The following TPRG1 variants were observed in gnomAD, a reference collection of about 807,000 sequenced individuals.
The protein encoded by TPRG1 is tumor protein p63 regulated 1, also known as tumor protein p63-regulated gene 1 protein.
Under a neutral mutation model 29.3 loss-of-function variants are expected in TPRG1, and 29 were observed. The observed-to-expected ratio is 0.99, with a 90% confidence interval of 0.74 to 1.35. The LOEUF is 1.35. Ranked by LOEUF, TPRG1 falls within the 40% of genes most tolerant of loss-of-function variation. The pLI is 0.00. For missense variants in TPRG1, 327 were observed against 335.0 expected, an observed-to-expected ratio of 0.98 and a Z score of 0.19; for synonymous variants, 130 against 116.8, an observed-to-expected ratio of 1.11 and a Z score of -0.73.
rs192919627 is a variant in TPRG1 at position 189,042,456 on chromosome 3, A to G, written c.-463+18510A>G. 3.8e-4 allele frequency among the ~76,000 whole-genome samples: 58 copies of G among 152,276 alleles called. 1 individual carries two copies. Among genetic ancestry groups the G allele is most frequent in the Non-Finnish European group, 7.4e-5 (5 of 68,018 alleles). On this transcript the variant is annotated intron_variant, in intron 4 of 10. Coordinates refer to the TPRG1 transcript ENST00000433971. ...TTTATAGGTTACTTAGGTATCTGTT[A>G]TGTTTCAAAAATCTCATGCCAATCC... is the stretch of plus-strand genomic sequence containing the variant.
chr3:189,259,485 T>TA (rs1339067104), intron 4 of TPRG1, among the ~76,000 whole-genome samples: 10 of 124,254 alleles, frequency 8.0e-5, no homozygotes, highest in Admixed American at 3.3e-4. Flanking sequence ...TTTTTTTTTT[T>TA]ACGAAGTCTT....
intron 4 of TPRG1, among the ~76,000 whole-genome samples, chr3:189,149,762 C>T (rs1725695986): frequency 6.6e-6 from 1 of 152,164 alleles, no homozygotes; most frequent in Non-Finnish European, 1.5e-5. Context: ...CTGTTTCGAG[C>T]CTGTGTCCGG....
intron 4 of TPRG1, among the ~76,000 whole-genome samples, chr3:189,027,781 A>C (rs1007490347): frequency 1.3e-5 from 2 of 152,176 alleles, no homozygotes; most frequent in East Asian, 3.9e-4. Flanking sequence ...AGTTGTTCCA[A>C]ATTGGAAAAA....
At chr3:189,086,201 CA>C (rs1341695354) in intron 4 of TPRG1, among the ~76,000 whole-genome samples, 6 of 152,054 alleles carry the variant, frequency 3.9e-5, no homozygotes, top group African/African-American at 1.2e-4. Context: ...AAGAAGCATC[CA>C]GCACAGGAGA....
intron 4 of TPRG1, among the ~76,000 whole-genome samples, chr3:189,245,390 T>C (rs569124589): frequency 1.4e-4 from 22 of 152,300 alleles, no homozygotes; most frequent in African/African-American, 4.6e-4. Context: ...TTCCCAGAGA[T>C]TTTGATATGT....
rs1560467332 is a variant in TPRG1, at chr3:189,125,816, TGTGTGTGTGTG to T, written c.-743-1240_-743-1230del. Among the ~76,000 whole-genome samples, 31 of 16,360 alleles carry T rather than the reference TGTGTGTGTGTG, an allele frequency of 1.9e-3. No homozygotes were observed. The African/African-American group carries it at 0.023, about 12-fold the overall frequency. 10.7% of individuals were successfully genotyped at this position (16,360 alleles called of 152,430 possible). A position where few individuals can be genotyped will look rare whatever the true frequency, so the allele number is the denominator to read the frequency against. ...GAAGATGGAGCTGCAGGGTGTTTTG[TGTGTGTGTGTG>T]TGTGTGTGTGTGTGTGTGTGTGTGT... On this transcript the variant is annotated intron_variant, in intron 1 of 6. Transcript: ENST00000412373.
chr3:189,156,874 A>G (rs1055436147), intron 5 of TPRG1, among the ~76,000 whole-genome samples: 2 of 152,170 alleles, frequency 1.3e-5, no homozygotes, highest in African/African-American at 4.8e-5. Context: ...CATTATCTGG[A>G]GGCTTGTTAA....
chr3:189,324,896 T>C lies in TPRG1; in HGVS notation c.*4076T>C, dbSNP rs1366538503. ...AGGGCTTGTGCCCACATCCTGTAGC[T>C]GTGGTTTAGGGACGCTGCTCATGAG... On this transcript the variant is annotated 3_prime_UTR_variant, in exon 6 of 6. Transcript: ENST00000345063. 1 of 152,192 alleles carries C rather than the reference T, an allele frequency of 6.6e-6. No individual in the cohort carries two copies. Among genetic ancestry groups the C allele is most frequent in the African/African-American group, 2.4e-5 (1 of 41,452 alleles). 9.4% of individuals were successfully genotyped at this position (152,192 alleles called of 1,614,324 possible).
intron 5 of TPRG1, among the ~76,000 whole-genome samples, chr3:189,312,107 T>C (rs373090677): frequency 0.02 from 1,508 of 73,594 alleles, 135 homozygotes; most frequent in Middle Eastern, 0.03. Context: ...GTTTCTTTGT[T>C]TCTTTCTTTG....
intron 4 of TPRG1, among the ~76,000 whole-genome samples, chr3:189,074,499 C>T (rs1246005757): frequency 1.3e-5 from 2 of 151,966 alleles, no homozygotes; most frequent in East Asian, 1.9e-4. Context: ...CCACCGCGCC[C>T]GGCCCAGAAT....
intron 4 of TPRG1, among the ~76,000 whole-genome samples, chr3:189,282,334 G>A (rs1377483573): frequency 1.3e-5 from 2 of 151,808 alleles, no homozygotes; most frequent in East Asian, 1.9e-4. Context: ...TCTTGTAGGC[G>A]TTTGTTCTTT....
At chr3:189,288,078 AAG>A (rs143050547) in intron 4 of TPRG1, among the ~76,000 whole-genome samples, 3,551 of 152,012 alleles carry the variant, frequency 0.023, 151 homozygotes, top group African/African-American at 0.081. Context: ...ACAGAGGAAA[AAG>A]AGAGAGGAGA....
intron 1 of TPRG1, among the ~76,000 whole-genome samples, chr3:189,115,844 G>A (rs1028187591): frequency 3.3e-5 from 5 of 152,010 alleles, no homozygotes; most frequent in Admixed American, 1.3e-4. Context: ...GAGACTTCTT[G>A]GGCAGGTTAC....
chr3:189,140,198 G>T (rs1049774958), intron 3 of TPRG1, among the ~76,000 whole-genome samples: 1 of 152,144 alleles, frequency 6.6e-6, no homozygotes, highest in Non-Finnish European at 1.5e-5. Flanking sequence ...TTTTCTCTTG[G>T]TATCTCAATA....
intron 1 of TPRG1, among the ~76,000 whole-genome samples, chr3:189,185,966 T>C (rs1730866651): frequency 6.6e-6 from 1 of 152,228 alleles, no homozygotes; most frequent in Non-Finnish European, 1.5e-5. Flanking sequence ...TACTCCATGA[T>C]AGATGTGCAT....
intron 3 of TPRG1, among the ~76,000 whole-genome samples, chr3:189,018,864 C>A (rs1424159753): frequency 3.4e-5 from 5 of 148,988 alleles, no homozygotes; most frequent in African/African-American, 1.2e-4. Context: ...TACCCATGAG[C>A]ATGGAATGTT....
intron 1 of TPRG1, among the ~76,000 whole-genome samples, chr3:189,193,216 A>G (rs1731993496): frequency 7.0e-6 from 1 of 143,304 alleles, no homozygotes; most frequent in African/African-American, 2.6e-5. Flanking sequence ...TTTCACTGCA[A>G]ACTTGAACTT....
At chr3:189,181,244 T>G (rs1730178898) in intron 1 of TPRG1, among the ~76,000 whole-genome samples, 1 of 152,204 alleles carries the variant, frequency 6.6e-6, no homozygotes, top group Non-Finnish European at 1.5e-5. Context: ...TTCCCCATTT[T>G]CTTGGGGATT....
chr3:189,216,251 C>T (rs929550052), intron 3 of TPRG1, among the ~76,000 whole-genome samples: 1 of 152,148 alleles, frequency 6.6e-6, no homozygotes, highest in Non-Finnish European at 1.5e-5. Context: ...AAGGGTTCAG[C>T]AGAGAAGCTC....
Sources: allele counts gnomAD v4.1 joint callset (sites outside exome capture counted in the v4.1 genomes callset), GRCh38; gene constraint gnomAD v4.1.1; transcripts MANE v1.5; gene names NCBI Gene and HGNC (gene_info 2026-07-23, HGNC 2026-07-21).